The following TBC1D2B variants were observed in gnomAD, a reference collection of about 807,000 sequenced individuals.
TBC1D2B encodes the protein TBC1 domain family member 2B.
In TBC1D2B, 64 loss-of-function variants were observed where a neutral mutation model predicts 100.8. That is an observed-to-expected ratio of 0.64 (90% CI 0.52 to 0.78). The LOEUF (loss-of-function observed/expected upper bound fraction) is 0.78, where lower values mean the gene tolerates loss of function less well. TBC1D2B is among the 30% of genes least tolerant of loss of function. The pLI is 0.00. For missense variants in TBC1D2B, 1,052 were observed against 1,218.4 expected, an observed-to-expected ratio of 0.86 and a Z score of 2.03; for synonymous variants, 480 against 479.7, an observed-to-expected ratio of 1.00 and a Z score of -0.01.
chr15:78,048,166 G>A (rs2141783062), intron 2 of TBC1D2B, among the ~76,000 whole-genome samples: 1 of 152,314 alleles, frequency 6.6e-6, no homozygotes, highest in South Asian at 2.1e-4. Context: ...AAGGAGGGGT[G>A]GAGAAAAGGG....
In TBC1D2B at chr15:78,024,323, C is replaced by T. The variant is rs747147820; in HGVS notation, c.1303G>A (p.Glu435Lys). The change falls in exon 6 of 13, where the codon GAG becomes AAG. Residue 435 changes from glutamate (E) to lysine (K), a missense_variant. Physicochemically the swap from Glu to Lys is moderately conservative, Grantham distance 56 (BLOSUM62 1). This residue lies in a region of TBC1D2B where 627 missense variants were observed against 646.1 expected (regional missense o/e 0.97). Coordinates refer to ENST00000300584, the MANE Select transcript of TBC1D2B (RefSeq NM_144572.2). ...EVRTLKSKVGELNEQLGMLME... is the reference protein window; with the variant it reads ...EVRTLKSKVGKLNEQLGMLME... ...AGCATTCCCAGCTGCTCGTTGAGCT[C>T]GCCCACTTTGCTCTTCAGCGTCCTT... 4 of 1,614,066 alleles carry T rather than the reference C, an allele frequency of 2.5e-6. No individual in the cohort carries two copies. Among genetic ancestry groups the T allele is most frequent in the South Asian group, 1.1e-5 (1 of 91,088 alleles).
chr15:78,031,619 C>T (rs1444230849), intron 3 of TBC1D2B, among the ~76,000 whole-genome samples: 1 of 135,382 alleles, frequency 7.4e-6, no homozygotes, highest in Non-Finnish European at 1.6e-5. Flanking sequence ...TTTAAAAATG[C>T]AGTGGAAATA....
At chr15:78,022,876 T>C (rs1209439738) in intron 6 of TBC1D2B, among the ~76,000 whole-genome samples, 1 of 151,960 alleles carries the variant, frequency 6.6e-6, no homozygotes. Context: ...ATAGTAGATA[T>C]AAGTGTAAAG....
At position 77,996,076 on chromosome 15, in the gene TBC1D2B, CAGG is replaced by C. The variant is rs1424408946; in HGVS notation, c.*2081_*2083del. On this transcript the variant is annotated 3_prime_UTR_variant, in exon 13 of 13. Coordinates refer to ENST00000300584, the MANE Select transcript of TBC1D2B (RefSeq NM_144572.2). ...TGGACACGCATCACTTGATTCCAGG[CAGG>C]AGAACCTCTGAGAAAGTGTCCCCAG... 1 of 151,808 alleles carries C rather than the reference CAGG, an allele frequency of 6.6e-6. No individual in the cohort carries two copies. The highest frequency in any genetic ancestry group is 2.4e-5 in the African/African-American group (1 of 41,368). The allele number at this position is 151,808 out of a possible 1,614,324, so 9.4% of individuals were successfully genotyped here.
At chr15:78,021,134 A>T (rs1412236458) in intron 6 of TBC1D2B, among the ~76,000 whole-genome samples, 2 of 152,190 alleles carry the variant, frequency 1.3e-5, no homozygotes, top group African/African-American at 2.4e-5. Flanking sequence ...CCTGCCTCGG[A>T]ATACTATAGA....
At position 78,054,205 on chromosome 15, in the gene TBC1D2B, A is replaced by G; in HGVS notation, c.361-18T>C. ...TTGGGAGCCTAGAAAGAGGGAGGGG[A>G]AAAACATGTTATGGCCACCAGTAAT... On this transcript the variant is annotated intron_variant, in intron 1 of 12. Transcript: ENST00000300584. 4 of 1,607,372 alleles carry G rather than the reference A, an allele frequency of 2.5e-6. No individual in the cohort carries two copies. Among genetic ancestry groups the G allele is most frequent in the Non-Finnish European group, 3.4e-6 (4 of 1,177,234 alleles).
chr15:78,022,607 G>C (rs992204735), intron 6 of TBC1D2B, among the ~76,000 whole-genome samples: 2 of 151,926 alleles, frequency 1.3e-5, no homozygotes, highest in African/African-American at 4.8e-5. Flanking sequence ...TGTGGTGTGA[G>C]GATCTCCGCT....
At chr15:78,018,689 G>A (rs2072438954) in intron 6 of TBC1D2B, among the ~76,000 whole-genome samples, 1 of 152,154 alleles carries the variant, frequency 6.6e-6, no homozygotes, top group Non-Finnish European at 1.5e-5. Context: ...TGTCATATTG[G>A]CTTCAGCCCT....
At chr15:78,041,149 C>T (rs2073087616) in intron 3 of TBC1D2B, among the ~76,000 whole-genome samples, 1 of 152,204 alleles carries the variant, frequency 6.6e-6, no homozygotes, top group South Asian at 2.1e-4. Context: ...CACCCACATC[C>T]TCACAGCAAT....
rs187439837 is a variant in TBC1D2B, at chr15:78,058,287, G to A, written c.361-4100C>T. ...GGCTTGGCAGGAAACAGTACCTCAG[G>A]ATTATAACATAAGCCAAGGGCATGG... On this transcript the variant is annotated intron_variant, in intron 1 of 12. Transcript: ENST00000300584. Among the ~76,000 whole-genome samples the A allele has an allele frequency of 3.3e-5, 5 of 152,300 alleles. No individual in the cohort carries two copies. The East Asian group carries it at 9.6e-4, about 29-fold the overall frequency.
At chr15:78,069,225 A>T (rs2073708487) in intron 1 of TBC1D2B, among the ~76,000 whole-genome samples, 1 of 152,212 alleles carries the variant, frequency 6.6e-6, no homozygotes, top group Admixed American at 6.5e-5. Context: ...GGTAATGTGC[A>T]TATGAGCAAA....
chr15:78,011,173 A>G (rs191764446), intron 9 of TBC1D2B, among the ~76,000 whole-genome samples: 86 of 152,344 alleles, frequency 5.6e-4, no homozygotes, highest in Middle Eastern at 6.8e-3. Flanking sequence ...CTGAGGGCAC[A>G]TAGAGAGGCT....
chr15:78,032,006 G>A (rs759282353), intron 3 of TBC1D2B, among the ~76,000 whole-genome samples: 1 of 152,166 alleles, frequency 6.6e-6, no homozygotes, highest in Non-Finnish European at 1.5e-5. Context: ...GACTCTCAAG[G>A]CAGTTGCAGC....
intron 7 of TBC1D2B, among the ~76,000 whole-genome samples, 157 bp downstream of exon 7, chr15:78,017,690 A>G (rs1022474262): frequency 3.3e-4 from 50 of 152,188 alleles, no homozygotes; most frequent in Admixed American, 3.3e-3. Context: ...CTAACTATAC[A>G]GCTCTATGTA....
rs1376210381 is a variant in TBC1D2B at position 78,077,688 on chromosome 15, G to T, written c.-36C>A. On this transcript the variant is annotated 5_prime_UTR_variant, in exon 1 of 13. Coordinates refer to ENST00000300584, the MANE Select transcript of TBC1D2B (RefSeq NM_144572.2). ...CGCCAACCGTAGGCGCCCGCGCCCTGCGCCTCCGCGCCGCGGCCGCTGCGC... is the reference window on the plus strand; with the variant it reads ...CGCCAACCGTAGGCGCCCGCGCCCTTCGCCTCCGCGCCGCGGCCGCTGCGC... 65 of 984,700 alleles carry T rather than the reference G, an allele frequency of 6.6e-5. No homozygotes were observed. Among genetic ancestry groups the T allele is most frequent in the Non-Finnish European group, 7.6e-5 (63 of 830,364 alleles). 61.0% of individuals were successfully genotyped at this position (984,700 alleles called of 1,614,324 possible). A position where few individuals can be genotyped will look rare whatever the true frequency, so the allele number is the denominator to read the frequency against.
intron 5 of TBC1D2B, 24 bp downstream of exon 5, chr15:78,025,235 A>C (rs1001685963): frequency 1.9e-5 from 30 of 1,604,354 alleles, no homozygotes; most frequent in Non-Finnish European, 2.6e-5. Context: ...GTGGGGTAAG[A>C]CAGAAGCCAG....
intron 1 of TBC1D2B, among the ~76,000 whole-genome samples, chr15:78,060,224 C>T (rs1162117199): frequency 6.6e-6 from 1 of 152,210 alleles, no homozygotes; most frequent in Non-Finnish European, 1.5e-5. Context: ...TGGATGAGAT[C>T]TGGTTAATTC....
Position 78,001,605 on chromosome 15 carries a change from T to TCC in TBC1D2B, c.2696+12_2696+13dup, listed in dbSNP as rs770648640. 1 of 1,597,036 alleles carries TCC rather than the reference T, an allele frequency of 6.3e-7. No individual in the cohort carries two copies. The highest frequency in any genetic ancestry group is 8.5e-7 in the Non-Finnish European group (1 of 1,171,798). Reference sequence around the variant, plus strand: ...CCTGCTCTCCTTGACATCTGAGAACTCCCCAGGACTCACCTAGCATCAAGG... The same window carrying TCC: ...CCTGCTCTCCTTGACATCTGAGAACTCCCCCCAGGACTCACCTAGCATCAAGG... On this transcript the variant is annotated intron_variant, in intron 12 of 12. Transcript: ENST00000300584.
chr15:78,013,011 G>T lies in TBC1D2B; in HGVS notation c.2082C>A (p.Thr694=), dbSNP rs2072273067. ...GTTTCTCCAGCGCCTTCTGCAGCAA[G>T]GTCTGGAAGTGGCCAGGCTCAGTGT... ...KDNTEPGHFQ[T]LLQKALEKQN... Residue 694 remains threonine (T), a synonymous_variant, in exon 9 of 13, where the codon ACC becomes ACA. Coordinates refer to ENST00000300584, the MANE Select transcript of TBC1D2B (RefSeq NM_144572.2). 6.2e-7 allele frequency: 1 copy of T among 1,604,980 alleles called. No individual in the cohort carries two copies. The highest frequency in any genetic ancestry group is 1.3e-5 in the African/African-American group (1 of 74,730).
Sources: allele counts gnomAD v4.1 joint callset (sites outside exome capture counted in the v4.1 genomes callset), GRCh38; gene constraint gnomAD v4.1.1; regional missense constraint gnomAD v4.1.1; transcripts MANE v1.5; gene names NCBI Gene and HGNC (gene_info 2026-07-23, HGNC 2026-07-21).